The following KCNG2 variants were observed in gnomAD, a reference collection of about 807,000 sequenced individuals.
The protein encoded by KCNG2 is potassium voltage-gated channel modifier subfamily G member 2.
A neutral mutation model predicts 12.3 loss-of-function variants in KCNG2; 7 were observed. The observed-to-expected ratio is 0.57, with a 90% CI of 0.32 to 1.07. The LOEUF is 1.07. KCNG2 is among the 50% of genes least tolerant of loss of function. The pLI, the probability that KCNG2 is intolerant of heterozygous loss-of-function variation, is 0.04. For synonymous variants in KCNG2, 414 were observed against 351.4 expected, an observed-to-expected ratio of 1.18 and a Z score of -1.99; for missense variants, 703 against 726.0, an observed-to-expected ratio of 0.97 and a Z score of 0.36.
At chr18:79,802,729 C>CT (rs34196939) in intron 1 of KCNG2, among the ~76,000 whole-genome samples, 15,188 of 146,812 alleles carry the variant, frequency 0.1, 1,256 homozygotes, top group East Asian at 0.35. Context: ...GAGTTCCTGG[C>CT]TTTTTTTTTT....
At chr18:79,823,669 T>C (rs1273427879) in intron 1 of KCNG2, among the ~76,000 whole-genome samples, 1 of 152,210 alleles carries the variant, frequency 6.6e-6, no homozygotes, top group Non-Finnish European at 1.5e-5. Context: ...CCCTGATGTT[T>C]AAGAGTTCAT....
rs542076908 is a variant in KCNG2, at chr18:79,824,631, A to C, written c.-115+26617A>C. Among the ~76,000 whole-genome samples, 3 of 152,340 alleles carry C rather than the reference A, an allele frequency of 2.0e-5. No individual in the cohort carries two copies. The East Asian group carries it at 5.8e-4, about 29-fold the overall frequency. On this transcript the variant is annotated intron_variant, in intron 1 of 3. Transcript: ENST00000316249. ...GTTTCTCCATTAAGAGAGCGGCTTT[A>C]GAACTTAACACAGGCTGCCGGTGCT...
At chr18:79,897,013 CT>C (rs1298136552) in intron 3 of KCNG2, among the ~76,000 whole-genome samples, 1 of 152,188 alleles carries the variant, frequency 6.6e-6, no homozygotes, top group East Asian at 1.9e-4. Context: ...ATACTTTTTC[CT>C]TGTCTTTGAC....
At chr18:79,862,230 C>G (rs761140710) in intron 2 of KCNG2, among the ~76,000 whole-genome samples, 10 of 152,150 alleles carry the variant, frequency 6.6e-5, no homozygotes, top group Non-Finnish European at 1.5e-4. Context: ...AGTGGCAGTT[C>G]TGGAAATCAG....
At chr18:79,826,341 C>A (rs935267758) in intron 1 of KCNG2, among the ~76,000 whole-genome samples, 1 of 152,272 alleles carries the variant, frequency 6.6e-6, no homozygotes, top group African/African-American at 2.4e-5. Flanking sequence ...AGGCTCCAGG[C>A]GCTTCAGGTA....
chr18:79,844,134 T>G (rs891692897), intron 1 of KCNG2, among the ~76,000 whole-genome samples: 1 of 152,138 alleles, frequency 6.6e-6, no homozygotes, highest in Non-Finnish European at 1.5e-5. Context: ...GTAGCATCAT[T>G]CACAATAGCC....
intron 1 of KCNG2, among the ~76,000 whole-genome samples, chr18:79,807,034 T>C (rs1000956655): frequency 1.2e-4 from 18 of 152,132 alleles, no homozygotes; most frequent in Non-Finnish European, 2.2e-4. Flanking sequence ...CCTGAAGCCT[T>C]GGGCTGCAGA....
chr18:79,874,967 G>A (rs140853891), intron 3 of KCNG2, among the ~76,000 whole-genome samples: 1 of 152,160 alleles, frequency 6.6e-6, no homozygotes, highest in Non-Finnish European at 1.5e-5. Context: ...AGGCCCTGAG[G>A]AGACTGATGA....
chr18:79,873,264 T>A lies in KCNG2; in HGVS notation c.624+8973T>A, dbSNP rs1979923711. ...CGTATCACTTGGGAGACTTCCCCTT[T>A]CTTCTTCGTGGACTTTGTTTTTTCC... On this transcript the variant is annotated intron_variant, in intron 3 of 3. Coordinates refer to ENST00000316249, the MANE Select transcript of KCNG2 (RefSeq NM_012283.2). Among the ~76,000 whole-genome samples, 3 of 152,198 alleles carry A rather than the reference T, an allele frequency of 2.0e-5. No individual in the cohort carries two copies. The South Asian group carries it at 6.2e-4, about 32-fold the overall frequency.
chr18:79,897,009 T>G (rs1339107227), intron 3 of KCNG2, among the ~76,000 whole-genome samples: 1 of 152,244 alleles, frequency 6.6e-6, no homozygotes, highest in South Asian at 2.1e-4. Context: ...TTCAATACTT[T>G]TTCCTTGTCT....
chr18:79,852,003 C>A (rs1350342805), intron 1 of KCNG2, among the ~76,000 whole-genome samples: 3 of 152,204 alleles, frequency 2.0e-5, no homozygotes, highest in African/African-American at 7.2e-5. Context: ...AAAATTAAGT[C>A]GGTTTTTCAG....
rs34251835 is a variant in KCNG2, at chr18:79,821,286, A to AT, written c.-115+23294dup. 3.6e-3 allele frequency among the ~76,000 whole-genome samples: 368 copies of AT among 101,806 alleles called. 6 individuals are homozygous for AT. Among genetic ancestry groups the AT allele is most frequent in the African/African-American group, 0.01 (276 of 26,468 alleles). The allele number at this position is 101,806 out of a possible 152,430, so 66.8% of individuals were successfully genotyped here. A position where few individuals can be genotyped will look rare whatever the true frequency, so the allele number is the denominator to read the frequency against. On this transcript the variant is annotated intron_variant, in intron 1 of 3. Coordinates refer to ENST00000316249, the MANE Select transcript of KCNG2 (RefSeq NM_012283.2). ...TGGCCGTCAACCCATTTTTACTTGA[A>AT]TTTTTTTTTTTTTTTTTTTTTTGAC...
At chr18:79,877,116 G>A (rs1224532425) in intron 3 of KCNG2, among the ~76,000 whole-genome samples, 1 of 152,204 alleles carries the variant, frequency 6.6e-6, no homozygotes, top group Non-Finnish European at 1.5e-5. Context: ...CTGCTTTTCT[G>A]TCTTCATTTG....
chr18:79,868,508 G>T (rs1458831383), intron 3 of KCNG2, among the ~76,000 whole-genome samples: 1 of 152,214 alleles, frequency 6.6e-6, no homozygotes. Flanking sequence ...CGATTCAGTT[G>T]TGTGGGTGAA....
At chr18:79,871,031 A>G (rs529022282) in intron 3 of KCNG2, among the ~76,000 whole-genome samples, 36 of 152,198 alleles carry the variant, frequency 2.4e-4, no homozygotes, top group Admixed American at 2.4e-3. Flanking sequence ...GTTCCAATCC[A>G]AAGACCAGCA....
intron 3 of KCNG2, among the ~76,000 whole-genome samples, chr18:79,875,342 G>A (rs1404326314): frequency 6.6e-6 from 1 of 152,052 alleles, no homozygotes. Flanking sequence ...GAGCACAGGC[G>A]GCCCTGGGCG....
chr18:79,882,904 C>G (rs1460429871), intron 3 of KCNG2, among the ~76,000 whole-genome samples: 1 of 151,642 alleles, frequency 6.6e-6, no homozygotes, highest in East Asian at 1.9e-4. Context: ...TACATCTGCG[C>G]GTGGCACGCG....
chr18:79,839,526 T>C (rs1348885434), intron 1 of KCNG2, among the ~76,000 whole-genome samples: 9 of 152,288 alleles, frequency 5.9e-5, no homozygotes, highest in African/African-American at 1.9e-4. Flanking sequence ...CAGTGTGAAA[T>C]AGATCATGAG....
intron 2 of KCNG2, among the ~76,000 whole-genome samples, chr18:79,860,729 T>C (rs1979183369): frequency 2.0e-5 from 3 of 152,200 alleles, no homozygotes; most frequent in Non-Finnish European, 4.4e-5. Flanking sequence ...AGGTTTTCTG[T>C]ACATAAGATC....
Sources: allele counts gnomAD v4.1 joint callset (sites outside exome capture counted in the v4.1 genomes callset), GRCh38; gene constraint gnomAD v4.1.1; transcripts MANE v1.5; gene names NCBI Gene and HGNC (gene_info 2026-07-23, HGNC 2026-07-21).